Variants in GRAMD1B observed in about 807,000 individuals in gnomAD.
GRAMD1B encodes protein Aster-B.
Under a neutral mutation model 99.7 loss-of-function variants are expected in GRAMD1B, and 37 were observed. The observed-to-expected ratio is 0.37, with a 90% confidence interval of 0.29 to 0.49. The LOEUF (loss-of-function observed/expected upper bound fraction) is 0.49, where lower values mean the gene tolerates loss of function less well. Ranked by LOEUF, GRAMD1B falls within the 20% of genes least tolerant of loss-of-function variation. The probability of loss-of-function intolerance (pLI) is 0.98; values close to 1 mark genes in which losing one functional copy is unlikely to be tolerated. For missense variants in GRAMD1B, 888 were observed against 1,009.2 expected, an observed-to-expected ratio of 0.88 and a Z score of 1.63; for synonymous variants, 427 against 387.6, an observed-to-expected ratio of 1.10 and a Z score of -1.19.
At chr11:123,486,406 G>T (rs769288759) in intron 2 of GRAMD1B, among the ~76,000 whole-genome samples, 1 of 151,928 alleles carries the variant, frequency 6.6e-6, no homozygotes, top group East Asian at 1.9e-4. Flanking sequence ...AAAATTAGCC[G>T]GGCATGGTGG....
intron 19 of GRAMD1B, among the ~76,000 whole-genome samples, chr11:123,620,667 A>G (rs1219034829): frequency 6.6e-6 from 1 of 152,142 alleles, no homozygotes; most frequent in African/African-American, 2.4e-5. Context: ...AGACAAACCC[A>G]GGAGAAGGGA....
At chr11:123,480,789 C>T (rs909470880) in intron 1 of GRAMD1B, 27 bp from the exon 2 acceptor site, 13 of 398,840 alleles carry the variant, frequency 3.3e-5, no homozygotes, top group South Asian at 1.3e-4. Flanking sequence ...CTGAAGTTAA[C>T]GGTTGATATC....
chr11:123,454,997 G>A (rs1269210248), intron 1 of GRAMD1B, among the ~76,000 whole-genome samples: 1 of 152,126 alleles, frequency 6.6e-6, no homozygotes, highest in Non-Finnish European at 1.5e-5. Flanking sequence ...TATATCTGAA[G>A]GATGTTTTAT....
intron 2 of GRAMD1B, among the ~76,000 whole-genome samples, chr11:123,487,063 T>G (rs1279102825): frequency 6.6e-6 from 1 of 152,230 alleles, no homozygotes; most frequent in Non-Finnish European, 1.5e-5. Flanking sequence ...AGTGAGACTC[T>G]GTCTCAAAAG....
chr11:123,400,758 G>A (rs2135914273), intron 1 of GRAMD1B, among the ~76,000 whole-genome samples: 1 of 152,184 alleles, frequency 6.6e-6, no homozygotes, highest in Middle Eastern at 3.4e-3. Flanking sequence ...TTCAACATAT[G>A]AATTACAGGG....
At chr11:123,515,306 G>A (rs1941567777) in intron 2 of GRAMD1B, among the ~76,000 whole-genome samples, 1 of 152,166 alleles carries the variant, frequency 6.6e-6, no homozygotes, top group African/African-American at 2.4e-5. Context: ...CAGAAACAAT[G>A]AGAAATTTGT....
At chr11:123,595,900 C>A in intron 6 of GRAMD1B, 42 bp from the exon 7 acceptor site, 1 of 1,129,024 alleles carries the variant, frequency 8.9e-7, no homozygotes, top group East Asian at 2.4e-5. Flanking sequence ...TACTAATGCC[C>A]CACTTTGCTT....
intron 2 of GRAMD1B, among the ~76,000 whole-genome samples, chr11:123,554,740 G>T (rs1225165608): frequency 6.6e-6 from 1 of 152,050 alleles, no homozygotes; most frequent in Non-Finnish European, 1.5e-5. Flanking sequence ...TCATTAACAA[G>T]TAAAAACATG....
At chr11:123,418,725 C>G (rs1311936039) in intron 1 of GRAMD1B, among the ~76,000 whole-genome samples, 2 of 152,190 alleles carry the variant, frequency 1.3e-5, no homozygotes, top group Non-Finnish European at 2.9e-5. Flanking sequence ...TTTCTTCTCT[C>G]CAGAAGGGCA....
intron 1 of GRAMD1B, among the ~76,000 whole-genome samples, chr11:123,400,687 C>T (rs1370714592): frequency 6.6e-6 from 1 of 152,106 alleles, no homozygotes; most frequent in African/African-American, 2.4e-5. Flanking sequence ...GCTCCACCCT[C>T]ATGACCTAAC....
chr11:123,371,239 G>A (rs1431310155), intron 1 of GRAMD1B, among the ~76,000 whole-genome samples: 4 of 152,040 alleles, frequency 2.6e-5, no homozygotes, highest in Non-Finnish European at 4.4e-5. Flanking sequence ...AAAAATCCAG[G>A]TTGGGTAATC....
chr11:123,560,482 G>A, intron 2 of GRAMD1B: 8 of 1,223,524 alleles, frequency 6.5e-6, no homozygotes, highest in Non-Finnish European at 8.4e-6. Flanking sequence ...GCCCTGGCCC[G>A]AGTCCCCTCC....
chr11:123,485,715 CTTTTTTTT>C (rs373956363), intron 2 of GRAMD1B, among the ~76,000 whole-genome samples: 2 of 132,484 alleles, frequency 1.5e-5, no homozygotes, highest in South Asian at 2.4e-4. Context: ...TTAATTCATT[CTTTTTTTT>C]TTTTTTTTTT....
intron 3 of GRAMD1B, chr11:123,578,512 C>A: frequency 9.9e-7 from 1 of 1,005,692 alleles, no homozygotes; most frequent in Non-Finnish European, 1.5e-6. Context: ...CTCCCTCTGG[C>A]CCTGCCGATT....
chr11:123,422,722 A>G (rs1034924396), intron 1 of GRAMD1B, among the ~76,000 whole-genome samples: 10 of 152,216 alleles, frequency 6.6e-5, no homozygotes, highest in Non-Finnish European at 1.3e-4. Flanking sequence ...TTATGCCTCA[A>G]TGCCTCTGCA....
chr11:123,599,693 G>A (rs909762608), intron 7 of GRAMD1B, among the ~76,000 whole-genome samples: 6 of 152,178 alleles, frequency 3.9e-5, no homozygotes, highest in Non-Finnish European at 8.8e-5. Context: ...GGCTGATCTC[G>A]AACTCCTGAC....
chr11:123,574,610 G>A (rs922364201), intron 2 of GRAMD1B, among the ~76,000 whole-genome samples: 6 of 152,188 alleles, frequency 3.9e-5, no homozygotes, highest in Non-Finnish European at 8.8e-5. Context: ...TCTGCAGCCT[G>A]AGAAACCTGG....
At chr11:123,568,116 G>GTT (rs34996751) in intron 2 of GRAMD1B, among the ~76,000 whole-genome samples, 1 of 149,586 alleles carries the variant, frequency 6.7e-6, no homozygotes, top group South Asian at 2.1e-4. Context: ...AAAGTTTTGG[G>GTT]TTTTTTTTTT....
Position 123,467,837 on chromosome 11 carries a change from C to CCTT in GRAMD1B, c.375-12978_375-12977insTTC, listed in dbSNP as rs58621803. Among the ~76,000 whole-genome samples, 17 of 52,472 alleles carry CCTT rather than the reference C, an allele frequency of 3.2e-4. 1 individual carries two copies. Among genetic ancestry groups the CCTT allele is most frequent in the Middle Eastern group, 0.01 (1 of 100 alleles). 34.4% of individuals were successfully genotyped at this position (52,472 alleles called of 152,430 possible). ...TTTTCTTTTCCCTCCCTCCCTCCCT[C>CCTT]CCTCCCTTCCTTCCTTCCTTCCTTT... On this transcript the variant is annotated intron_variant, in intron 1 of 19. Coordinates refer to ENST00000635736, the MANE Select transcript of GRAMD1B (RefSeq NM_001387025.1).
Sources: allele counts gnomAD v4.1 joint callset (sites outside exome capture counted in the v4.1 genomes callset), GRCh38; gene constraint gnomAD v4.1.1; transcripts MANE v1.5; gene names NCBI Gene and HGNC (gene_info 2026-07-23, HGNC 2026-07-21).